Variants in MDGA2 observed in about 807,000 individuals in gnomAD.
MDGA2 encodes the protein MAM domain-containing glycosylphosphatidylinositol anchor protein 2.
A neutral mutation model predicts 117.8 loss-of-function variants in MDGA2; 40 were observed. The observed-to-expected ratio is 0.34, with a 90% CI of 0.26 to 0.44. MDGA2 has a LOEUF of 0.44. Among genes scored for constraint, MDGA2 ranks in the 20% least tolerant of loss-of-function variants. The pLI is 1.00. For missense variants in MDGA2, 1,123 were observed against 1,250.6 expected, an observed-to-expected ratio of 0.90 and a Z score of 1.54; for synonymous variants, 452 against 439.0, an observed-to-expected ratio of 1.03 and a Z score of -0.37.
rs117591726 is a variant in MDGA2 at position 47,484,617 on chromosome 14, G to C, written c.281-183067C>G. The stretch of plus-strand genomic sequence containing the variant: ...AAAACAGCTATTCAAATTTCACACA[G>C]TGATATGGTTTGCATCTCTGTCCCC... On this transcript the variant is annotated intron_variant, in intron 1 of 16. Coordinates refer to ENST00000399232, the MANE Select transcript of MDGA2 (RefSeq NM_001113498.3). 8.8e-3 allele frequency among the ~76,000 whole-genome samples: 1,339 copies of C among 152,230 alleles called. 14 individuals carry two copies. Among genetic ancestry groups the C allele is most frequent in the Middle Eastern group, 0.024 (7 of 292 alleles).
intron 8 of MDGA2, among the ~76,000 whole-genome samples, chr14:46,990,001 G>A (rs938471951): frequency 6.6e-6 from 1 of 152,016 alleles, no homozygotes; most frequent in Non-Finnish European, 1.5e-5. Flanking sequence ...TCTTTTATAG[G>A]ACAGGCTGTC....
chr14:47,613,479 T>A (rs2416096), intron 1 of MDGA2, among the ~76,000 whole-genome samples: 74,035 of 140,554 alleles, frequency 0.53, 19,370 homozygotes, highest in East Asian at 0.68. Context: ...TCTCTCTCTC[T>A]CACACACACA....
chr14:46,884,673 A>G lies in MDGA2; in HGVS notation c.2239-2452T>C, dbSNP rs1181965846. 6.6e-6 allele frequency among the ~76,000 whole-genome samples: 1 copy of G among 152,130 alleles called. No homozygotes were observed. Among genetic ancestry groups the G allele is most frequent in the Non-Finnish European group, 1.5e-5 (1 of 68,022 alleles). Reference sequence around the variant, plus strand: ...GTCTGCACAGAAGAGAGAAAAATATATACCATTCAATTGGTTATGCATATG... The same window carrying G: ...GTCTGCACAGAAGAGAGAAAAATATGTACCATTCAATTGGTTATGCATATG... On this transcript the variant is annotated intron_variant, in intron 10 of 16. Coordinates refer to ENST00000399232, the MANE Select transcript of MDGA2 (RefSeq NM_001113498.3). The surrounding 1 kb of genome is among the most constrained non-coding windows in gnomAD (Gnocchi z 4.1).
chr14:47,200,538 T>C (rs1429607101), intron 3 of MDGA2: 3 of 556,922 alleles, frequency 5.4e-6, no homozygotes, highest in Non-Finnish European at 8.3e-6. Context: ...TCTTTTCTTT[T>C]TTTTTTTTTT....
chr14:47,402,330 ACCC>A lies in MDGA2; in HGVS notation c.281-100783_281-100781del, dbSNP rs1386594654. Among the ~76,000 whole-genome samples, 77 of 17,194 alleles carry A rather than the reference ACCC, an allele frequency of 4.5e-3. 8 individuals are homozygous for A. The highest frequency in any genetic ancestry group is 0.014 in the African/African-American group (74 of 5,454). 11.3% of individuals were successfully genotyped at this position (17,194 alleles called of 152,430 possible). A position where few individuals can be genotyped will look rare whatever the true frequency, so the allele number is the denominator to read the frequency against. On this transcript the variant is annotated intron_variant, in intron 1 of 16. Transcript: ENST00000399232. ...GTATGCTAGGGTAGAAACCCCAGAA[ACCC>A]CCGCCCCCCCACCCCGCAAAAAAAA... is the stretch of plus-strand genomic sequence containing the variant.
chr14:47,358,906 C>T (rs548475473), intron 1 of MDGA2, among the ~76,000 whole-genome samples: 3 of 152,122 alleles, frequency 2.0e-5, no homozygotes, highest in Admixed American at 6.5e-5. Flanking sequence ...TATACAGATT[C>T]AGTGCAATCT....
At chr14:47,377,707 C>A (rs969197688) in intron 1 of MDGA2, among the ~76,000 whole-genome samples, 4 of 152,104 alleles carry the variant, frequency 2.6e-5, no homozygotes, top group African/African-American at 9.7e-5. Flanking sequence ...GTAAACAAAG[C>A]AACCAGGAAG....
chr14:47,392,050 C>T (rs11157557), intron 1 of MDGA2, among the ~76,000 whole-genome samples: 109,722 of 152,090 alleles, frequency 0.72, 39,848 homozygotes, highest in Middle Eastern at 0.82. Flanking sequence ...ATTAAGTTCC[C>T]TTTTATCTTA....
intron 1 of MDGA2, among the ~76,000 whole-genome samples, chr14:47,446,456 G>T (rs939230394): frequency 6.7e-6 from 1 of 148,304 alleles, no homozygotes; most frequent in South Asian, 2.3e-4. Context: ...TCATATTATA[G>T]GTTTCCCCTT....
At chr14:47,474,677 G>C (rs947754924) in intron 1 of MDGA2, among the ~76,000 whole-genome samples, 15 of 151,922 alleles carry the variant, frequency 9.9e-5, no homozygotes, top group Non-Finnish European at 1.5e-4. Context: ...TCAGAAATAA[G>C]ACCACATACC....
intron 1 of MDGA2, among the ~76,000 whole-genome samples, chr14:47,433,264 GGGAAACAGA>G (rs1162721828): frequency 1.3e-5 from 2 of 151,934 alleles, no homozygotes; most frequent in African/African-American, 4.8e-5. Context: ...TTGTCCTTCT[GGGAAACAGA>G]GGCCTCTCTT....
At chr14:47,552,791 T>C (rs540699022) in intron 1 of MDGA2, among the ~76,000 whole-genome samples, 2 of 140,906 alleles carry the variant, frequency 1.4e-5, no homozygotes, top group African/African-American at 5.2e-5. Flanking sequence ...CACAATAACA[T>C]CTCTTACTAC....
At chr14:47,031,478 C>T (rs564433027) in intron 8 of MDGA2, among the ~76,000 whole-genome samples, 16 of 151,928 alleles carry the variant, frequency 1.1e-4, no homozygotes, top group African/African-American at 2.4e-4. Context: ...TGTGTGCTTG[C>T]GTGTAAAATA....
At chr14:46,915,985 A>G (rs1006473933) in intron 10 of MDGA2, among the ~76,000 whole-genome samples, 13 of 152,176 alleles carry the variant, frequency 8.5e-5, no homozygotes, top group African/African-American at 3.1e-4. Context: ...CCTCACTTCC[A>G]GAAAACCTGG....
intron 8 of MDGA2, among the ~76,000 whole-genome samples, chr14:46,991,421 C>T (rs953794668): frequency 6.6e-6 from 1 of 152,010 alleles, no homozygotes; most frequent in Admixed American, 6.6e-5. Context: ...AGAGCAATAC[C>T]AGCTGTCACT....
chr14:47,055,002 C>CTTTTTTTTT (rs10640408), intron 7 of MDGA2, among the ~76,000 whole-genome samples: 1 of 125,674 alleles, frequency 8.0e-6, no homozygotes, highest in African/African-American at 3.0e-5. Flanking sequence ...TTTTTCTTTT[C>CTTTTTTTTT]TTTTTTTTTT....
At chr14:47,642,568 C>T (rs529275659) in intron 1 of MDGA2, among the ~76,000 whole-genome samples, 1 of 152,128 alleles carries the variant, frequency 6.6e-6, no homozygotes, top group Admixed American at 6.5e-5. Flanking sequence ...TGCTTCATAT[C>T]CTACCAAGCA....
At chr14:47,173,462 T>C (rs1456949245) in intron 3 of MDGA2, among the ~76,000 whole-genome samples, 2 of 152,246 alleles carry the variant, frequency 1.3e-5, no homozygotes, top group East Asian at 1.9e-4. Context: ...CGGCAGAAAT[T>C]CTACAAGCCA....
At chr14:47,301,291 CCACCCACACA>C (rs771802632) in intron 2 of MDGA2, 110 bp downstream of exon 2, 8 of 869,762 alleles carry the variant, frequency 9.2e-6, no homozygotes, top group Non-Finnish European at 1.3e-5. Flanking sequence ...ACACCCACAC[CCACCCACACA>C]CACACACACA....
Sources: gnomAD v4.1 joint callset for allele counts (sites outside exome capture counted in the v4.1 genomes callset) on GRCh38, gnomAD v4.1.1 for gene constraint, Gnocchi (gnomAD v3.1) non-coding constraint, MANE v1.5 for transcripts, NCBI Gene and HGNC (gene_info 2026-07-23, HGNC 2026-07-21) for gene names.